Variants in GREB1L observed in about 807,000 individuals in gnomAD.
GREB1L encodes the protein GREB1 like retinoic acid receptor coactivator.
A neutral mutation model predicts 200.8 loss-of-function variants in GREB1L; 17 were observed. The ratio of observed to expected loss-of-function variants is 0.08; its 90% CI spans 0.06 to 0.13. The LOEUF is 0.13. GREB1L is among the 10% of genes least tolerant of loss of function. The pLI, the probability that GREB1L is intolerant of heterozygous loss-of-function variation, is 1.00. For missense variants in GREB1L, 1,657 were observed against 2,367.7 expected (o/e 0.70, Z 6.23); for synonymous variants, 789 against 893.0 (o/e 0.88, Z 2.08).
chr18:21,245,516 A>G (rs2037582114), intron 1 of GREB1L, among the ~76,000 whole-genome samples: 1 of 152,118 alleles, frequency 6.6e-6, no homozygotes, highest in African/African-American at 2.4e-5. Context: ...ATGAATGAAT[A>G]TTTTTACAAA....
chr18:21,353,589 C>A (rs2143370859), intron 1 of GREB1L, among the ~76,000 whole-genome samples: 1 of 152,056 alleles, frequency 6.6e-6, no homozygotes, highest in African/African-American at 2.4e-5. Flanking sequence ...TTTGTGATTT[C>A]TAGGTTAAGA....
At chr18:21,414,452 CA>C (rs1343834245) in intron 7 of GREB1L, among the ~76,000 whole-genome samples, 24 of 151,918 alleles carry the variant, frequency 1.6e-4, no homozygotes, top group Admixed American at 1.6e-3. Context: ...AAAATTAATC[CA>C]AATGTATAGG....
At chr18:21,486,804 TG>T (rs2036145444) in intron 18 of GREB1L, among the ~76,000 whole-genome samples, 1 of 152,204 alleles carries the variant, frequency 6.6e-6, no homozygotes, top group Non-Finnish European at 1.5e-5. Flanking sequence ...CATCCAATGT[TG>T]GGGCGATTGG....
chr18:21,341,496 A>G (rs1158628107), intron 1 of GREB1L, among the ~76,000 whole-genome samples: 2 of 152,150 alleles, frequency 1.3e-5, no homozygotes, highest in East Asian at 3.9e-4. Context: ...CTCAGCTTCC[A>G]GGGTAGCTGG....
At chr18:21,264,915 G>A (rs2037943532) in intron 1 of GREB1L, among the ~76,000 whole-genome samples, 1 of 152,282 alleles carries the variant, frequency 6.6e-6, no homozygotes, top group Admixed American at 6.5e-5. Flanking sequence ...GCTAATGAAA[G>A]CTGACTGTAT....
chr18:21,479,341 C>T (rs72882851), intron 17 of GREB1L, among the ~76,000 whole-genome samples: 23,425 of 152,184 alleles, frequency 0.15, 2,209 homozygotes, highest in East Asian at 0.34. Flanking sequence ...CCTTTATTTT[C>T]TCCTACCATG....
In GREB1L at chr18:21,518,050, C is replaced by T; in HGVS notation, c.5288C>T (p.Ala1763Val). The T allele has an allele frequency of 6.4e-7, 1 of 1,551,412 alleles. No homozygotes were observed. ...KPKIMVSESL[A>V]PILPLQYICA... ...TGATTTCAGGTGTCAGAGAGCTTAG[C>T]ACCCATCTTGCCCCTTCAATACATC... Residue 1763 changes from alanine to valine, a missense_variant, in exon 31 of 33, where the codon GCA becomes GTA. Physicochemically the swap from Ala to Val is moderately conservative, Grantham distance 64. Transcript: ENST00000424526.
chr18:21,356,637 G>C (rs1320631495), intron 1 of GREB1L, among the ~76,000 whole-genome samples: 1 of 152,038 alleles, frequency 6.6e-6, no homozygotes, highest in Non-Finnish European at 1.5e-5. Context: ...TGACCAGGGG[G>C]GTGCACATAT....
intron 1 of GREB1L, among the ~76,000 whole-genome samples, chr18:21,329,969 T>TTGGG (rs1555628418): frequency 7.7e-5 from 10 of 129,312 alleles, no homozygotes; most frequent in African/African-American, 2.9e-4. Flanking sequence ...GTTTTTTTTT[T>TTGGG]GGGGGGGGGG....
chr18:21,339,059 C>T (rs1460544525), intron 1 of GREB1L, among the ~76,000 whole-genome samples: 1 of 151,972 alleles, frequency 6.6e-6, no homozygotes, highest in Non-Finnish European at 1.5e-5. Context: ...TGGTGGCGGG[C>T]GCCTGTAATC....
At chr18:21,357,978 T>C (rs548854992) in intron 1 of GREB1L, among the ~76,000 whole-genome samples, 1 of 152,230 alleles carries the variant, frequency 6.6e-6, no homozygotes, top group Non-Finnish European at 1.5e-5. Flanking sequence ...TTTACGATTA[T>C]TTTTTCTATT....
chr18:21,270,584 C>T (rs1300282512), intron 1 of GREB1L, among the ~76,000 whole-genome samples: 3 of 152,318 alleles, frequency 2.0e-5, no homozygotes, highest in Non-Finnish European at 2.9e-5. Flanking sequence ...TCTCTCATCC[C>T]GCCCTTGACT....
At chr18:21,479,347 C>A (rs1234489562) in intron 17 of GREB1L, among the ~76,000 whole-genome samples, 1 of 152,130 alleles carries the variant, frequency 6.6e-6, no homozygotes, top group Non-Finnish European at 1.5e-5. Context: ...TTTTCTCCTA[C>A]CATGAAATAG....
intron 16 of GREB1L, among the ~76,000 whole-genome samples, 193 bp from the exon 17 acceptor site, chr18:21,476,971 T>G (rs2035726567): frequency 1.3e-5 from 2 of 152,220 alleles, no homozygotes; most frequent in South Asian, 2.1e-4. Context: ...AAATACATAT[T>G]CCTGAAATCT....
intron 1 of GREB1L, among the ~76,000 whole-genome samples, chr18:21,365,713 G>A (rs2039663026): frequency 6.6e-6 from 1 of 152,040 alleles, no homozygotes; most frequent in South Asian, 2.1e-4. Context: ...TGATATTATG[G>A]TAACATCTGC....
intron 7 of GREB1L, among the ~76,000 whole-genome samples, chr18:21,405,909 A>T (rs1448405252): frequency 1.3e-5 from 2 of 152,060 alleles, no homozygotes; most frequent in African/African-American, 2.4e-5. Context: ...AGGCATGTGG[A>T]TCCCTTGAGC....
chr18:21,295,833 T>G (rs2054155790), intron 1 of GREB1L, among the ~76,000 whole-genome samples: 1 of 152,046 alleles, frequency 6.6e-6, no homozygotes, highest in Admixed American at 6.5e-5. Flanking sequence ...AGTAGAATGG[T>G]TTGACTGAAG....
intron 15 of GREB1L, among the ~76,000 whole-genome samples, chr18:21,464,457 T>A (rs1240363829): frequency 6.9e-6 from 1 of 145,614 alleles, no homozygotes; most frequent in African/African-American, 2.6e-5. Context: ...GGCAGGAGAA[T>A]CACTTGAATC....
chr18:21,351,445 T>G (rs1418531654), intron 1 of GREB1L, among the ~76,000 whole-genome samples: 3 of 152,010 alleles, frequency 2.0e-5, no homozygotes, highest in Non-Finnish European at 4.4e-5. Context: ...TGGTGGCGCA[T>G]GCCTGTAGTT....
Sources: allele counts gnomAD v4.1 joint callset (sites outside exome capture counted in the v4.1 genomes callset), GRCh38; gene constraint gnomAD v4.1.1; transcripts MANE v1.5; gene names NCBI Gene and HGNC (gene_info 2026-07-23, HGNC 2026-07-21).